PDE1C: variants seen among roughly 807,000 people sequenced by gnomAD.
The protein encoded by PDE1C is dual specificity calcium/calmodulin-dependent 3',5'-cyclic nucleotide phosphodiesterase 1C.
Under a neutral mutation model 93.1 loss-of-function variants are expected in PDE1C, and 62 were observed. The observed-to-expected ratio is 0.67, with a 90% CI of 0.54 to 0.82. The LOEUF (loss-of-function observed/expected upper bound fraction) is 0.82. Among genes scored for constraint, PDE1C ranks in the 40% least tolerant of loss-of-function variants. PDE1C has a pLI of 0.00. For missense variants in PDE1C, 742 were observed against 884.6 expected, an observed-to-expected ratio of 0.84 and a Z score of 2.04; for synonymous variants, 325 against 310.1, an observed-to-expected ratio of 1.05 and a Z score of -0.50.
the PDE1C span, among the ~76,000 whole-genome samples, chr7:31,633,373 A>G: frequency 6.6e-6 from 1 of 152,316 alleles, no homozygotes; most frequent in South Asian, 2.1e-4. Context: ...CTCTGACCAG[A>G]TAGGAGTCAT....
chr7:31,926,901 T>G (rs187283494), intron 2 of PDE1C, among the ~76,000 whole-genome samples: 4 of 151,774 alleles, frequency 2.6e-5, no homozygotes, highest in Non-Finnish European at 5.9e-5. Context: ...TGCAGGAGTT[T>G]TTTTGTTTTG....
chr7:32,287,912 G>A (rs1812094311), intron 1 of PDE1C, among the ~76,000 whole-genome samples: 1 of 152,222 alleles, frequency 6.6e-6, no homozygotes, highest in South Asian at 2.1e-4. Context: ...TTTCAAAAAT[G>A]TAGAAACTGG....
intron 3 of PDE1C, among the ~76,000 whole-genome samples, chr7:32,096,732 C>T (rs972636531): frequency 6.6e-6 from 1 of 152,052 alleles, no homozygotes; most frequent in South Asian, 2.1e-4. Flanking sequence ...AGCAATTGTT[C>T]TACTGCAAGC....
intron 1 of PDE1C, among the ~76,000 whole-genome samples, chr7:32,393,048 C>CAA (rs35905868): frequency 0.24 from 11,710 of 48,302 alleles, 3,489 homozygotes; most frequent in East Asian, 0.63. Context: ...GACTCTGTCT[C>CAA]AAAAAAAAAA....
At chr7:31,999,416 T>A (rs1785167504) in intron 2 of PDE1C, among the ~76,000 whole-genome samples, 1 of 152,110 alleles carries the variant, frequency 6.6e-6, no homozygotes, top group South Asian at 2.1e-4. Flanking sequence ...CAAACACCTA[T>A]CCCAGGGTCC....
the PDE1C span, among the ~76,000 whole-genome samples, chr7:31,714,031 A>T: frequency 7.2e-5 from 11 of 152,120 alleles, no homozygotes; most frequent in Non-Finnish European, 1.3e-4. Context: ...ACTTGTGTAA[A>T]TTTCTGCAGC....
chr7:31,848,969 T>C (rs1236524353), intron 8 of PDE1C, among the ~76,000 whole-genome samples: 1 of 152,262 alleles, frequency 6.6e-6, no homozygotes, highest in Non-Finnish European at 1.5e-5. Flanking sequence ...TCACAGACTT[T>C]GTTTTCTGAA....
At chr7:31,621,674 G>A in the PDE1C span, among the ~76,000 whole-genome samples, 60 of 146,674 alleles carry the variant, frequency 4.1e-4, no homozygotes, top group Middle Eastern at 3.6e-3. Flanking sequence ...AAAGACCATC[G>A]AGACTAGCAA....
At position 31,751,376 on chromosome 7, in the gene PDE1C, A is replaced by G. The variant is rs868219485; in HGVS notation, c.*2008T>C. The G allele has an allele frequency of 6.6e-6, 1 of 152,348 alleles. No homozygotes were observed. Among genetic ancestry groups the G allele is most frequent in the South Asian group, 2.1e-4 (1 of 4,834 alleles). 9.4% of individuals were successfully genotyped at this position (152,348 alleles called of 1,614,324 possible). Reference sequence around the variant, plus strand: ...AAGAATACAGATTTGTTCCCCAGGAACATGGCTTCCAACATCAAGAAGCAC... The same window carrying G: ...AAGAATACAGATTTGTTCCCCAGGAGCATGGCTTCCAACATCAAGAAGCAC... On this transcript the variant is annotated 3_prime_UTR_variant, in exon 18 of 18. Coordinates refer to ENST00000396191, the MANE Select transcript of PDE1C (RefSeq NM_001191057.4).
intron 2 of PDE1C, among the ~76,000 whole-genome samples, chr7:32,207,908 A>G (rs947674171): frequency 1.3e-5 from 2 of 152,226 alleles, no homozygotes. Context: ...GGCACCCAGC[A>G]CAGCCCTCAC....
chr7:32,103,437 G>T (rs966182124), intron 3 of PDE1C, among the ~76,000 whole-genome samples: 3 of 152,094 alleles, frequency 2.0e-5, no homozygotes, highest in Non-Finnish European at 2.9e-5. Context: ...CGTGATGCTG[G>T]CAGCCAGACG....
chr7:32,167,315 T>C (rs2128802668), intron 3 of PDE1C, among the ~76,000 whole-genome samples: 1 of 152,302 alleles, frequency 6.6e-6, no homozygotes, highest in African/African-American at 2.4e-5. Context: ...CTAGAAAAGA[T>C]TTCCGGGAAA....
intron 1 of PDE1C, among the ~76,000 whole-genome samples, chr7:32,224,870 T>TA (rs1807137832): frequency 6.6e-6 from 1 of 151,950 alleles, no homozygotes; most frequent in Non-Finnish European, 1.5e-5. Flanking sequence ...CCTTTGATCT[T>TA]ACGTTAGAAG....
At chr7:31,679,996 T>A in the PDE1C span, among the ~76,000 whole-genome samples, 1 of 152,222 alleles carries the variant, frequency 6.6e-6, no homozygotes, top group African/African-American at 2.4e-5. Context: ...TTCATTCCCA[T>A]GTGCTGCAGG....
At chr7:32,375,096 C>T (rs1314210299) in intron 1 of PDE1C, among the ~76,000 whole-genome samples, 5 of 152,158 alleles carry the variant, frequency 3.3e-5, no homozygotes, top group East Asian at 1.9e-4. Flanking sequence ...AAGATTCATA[C>T]GGTATCCCAG....
At chr7:32,181,794 A>G (rs1803452783) in intron 2 of PDE1C, among the ~76,000 whole-genome samples, 1 of 152,236 alleles carries the variant, frequency 6.6e-6, no homozygotes, top group South Asian at 2.1e-4. Context: ...AGAAATAACT[A>G]AGATCAGAGC....
At position 32,038,694 on chromosome 7, in the gene PDE1C, C is replaced by T. The variant is rs114058148; in HGVS notation, c.128+12860G>A. Among the ~76,000 whole-genome samples the T allele has an allele frequency of 2.6e-3, 394 of 152,260 alleles. 1 individual carries two copies. Among genetic ancestry groups the T allele is most frequent in the African/African-American group, 9.1e-3 (378 of 41,548 alleles). On this transcript the variant is annotated intron_variant, in intron 2 of 17. Coordinates refer to ENST00000396191, the MANE Select transcript of PDE1C (RefSeq NM_001191057.4). The stretch of plus-strand genomic sequence containing the variant: ...GTCTTCTGGTATAATTATGCTCCTA[C>T]AATGTTCCACCCAAGCCAGTGGCAA...
chr7:32,103,831 T>C (rs1399536891), intron 3 of PDE1C, among the ~76,000 whole-genome samples: 1 of 151,956 alleles, frequency 6.6e-6, no homozygotes, highest in Non-Finnish European at 1.5e-5. Context: ...AGCGATAAGA[T>C]AAAATATTGC....
intron 2 of PDE1C, among the ~76,000 whole-genome samples, chr7:32,047,678 T>C (rs1422611846): frequency 2.0e-5 from 3 of 152,032 alleles, no homozygotes; most frequent in Non-Finnish European, 4.4e-5. Context: ...AATTGTGTTG[T>C]AGTAGGATGA....
Sources: allele counts gnomAD v4.1 joint callset (sites outside exome capture counted in the v4.1 genomes callset), GRCh38; gene constraint gnomAD v4.1.1; transcripts MANE v1.5; gene names NCBI Gene and HGNC (gene_info 2026-07-23, HGNC 2026-07-21).